BZW2: variants seen among roughly 807,000 people sequenced by gnomAD.
BZW2 encodes the protein eIF5-mimic protein 1.
A neutral mutation model predicts 53.2 loss-of-function variants in BZW2; 23 were observed. The observed-to-expected ratio is 0.43, with a 90% CI of 0.31 to 0.61. The LOEUF is 0.61. Ranked by LOEUF, BZW2 falls within the 20% of genes least tolerant of loss-of-function variation. The pLI is 0.09. For missense variants in BZW2, 409 were observed against 503.1 expected, an observed-to-expected ratio of 0.81 and a Z score of 1.79; for synonymous variants, 227 against 186.4, an observed-to-expected ratio of 1.22 and a Z score of -1.77.
At chr7:16,653,086 G>C (rs1782027937) in intron 1 of BZW2, among the ~76,000 whole-genome samples, 1 of 152,010 alleles carries the variant, frequency 6.6e-6, no homozygotes, top group Non-Finnish European at 1.5e-5. Flanking sequence ...TCACCTGCTA[G>C]ACAGGCTTGG....
intron 1 of BZW2, among the ~76,000 whole-genome samples, chr7:16,655,921 T>G (rs1045778768): frequency 1.1e-4 from 16 of 152,156 alleles, no homozygotes; most frequent in Non-Finnish European, 1.6e-4. Context: ...TGCATACACT[T>G]TCTGCCTTTA....
At chr7:16,679,363 C>T (rs962457707) in intron 3 of BZW2, among the ~76,000 whole-genome samples, 1 of 152,220 alleles carries the variant, frequency 6.6e-6, no homozygotes, top group Non-Finnish European at 1.5e-5. Context: ...GCCGGTCCCT[C>T]CGTTCAGGTT....
chr7:16,691,344 G>C (rs1783298489), intron 7 of BZW2, among the ~76,000 whole-genome samples: 2 of 152,192 alleles, frequency 1.3e-5, no homozygotes, highest in African/African-American at 4.8e-5. Context: ...AGTCACAGAA[G>C]ATAAGTGAAT....
At chr7:16,668,312 C>T (rs190804060) in intron 2 of BZW2, among the ~76,000 whole-genome samples, 1 of 152,330 alleles carries the variant, frequency 6.6e-6, no homozygotes, top group East Asian at 1.9e-4. Flanking sequence ...GTTTTCTCTC[C>T]TTCAGAACCG....
At chr7:16,654,248 T>TAATAATAATGGTCTCTATATA (rs1378727262) in intron 1 of BZW2, among the ~76,000 whole-genome samples, 1 of 151,652 alleles carries the variant, frequency 6.6e-6, no homozygotes, top group Non-Finnish European at 1.5e-5. Context: ...ATAATAATAA[T>TAATAATAATGGTCTCTATATA]ATAGAGACCA....
In BZW2 at chr7:16,667,215, G is replaced by A. The variant is rs546716812; in HGVS notation, c.58+1714G>A. 2.6e-5 allele frequency among the ~76,000 whole-genome samples: 4 copies of A among 151,790 alleles called. No individual in the cohort carries two copies. The East Asian group carries it at 7.8e-4, about 29-fold the overall frequency. On this transcript the variant is annotated intron_variant, in intron 2 of 11. Transcript: ENST00000258761. ...GGAGAATCGCTTGAACCCAGGATTGGGAGGTCAGTGAGCCGACATTGCACC... is the reference window on the plus strand; with the variant it reads ...GGAGAATCGCTTGAACCCAGGATTGAGAGGTCAGTGAGCCGACATTGCACC...
In BZW2 at chr7:16,665,864, A is replaced by G. The variant is rs375766538; in HGVS notation, c.58+363A>G. Among the ~76,000 whole-genome samples, 31 of 152,340 alleles carry G rather than the reference A, an allele frequency of 2.0e-4. No individual in the cohort carries two copies. In the South Asian group the frequency reaches 5.2e-3, roughly 25 times the overall value. ...CGTTGATGGCAAAGATGATAAAATGAAAAGTAAATTAGGAAGTGAGATATT... is the reference window on the plus strand; with the variant it reads ...CGTTGATGGCAAAGATGATAAAATGGAAAGTAAATTAGGAAGTGAGATATT... On this transcript the variant is annotated intron_variant, in intron 2 of 11. Transcript: ENST00000258761.
intron 1 of BZW2, among the ~76,000 whole-genome samples, chr7:16,650,431 C>T (rs1781956668): frequency 6.6e-6 from 1 of 152,110 alleles, no homozygotes; most frequent in Admixed American, 6.5e-5. Flanking sequence ...CTGTTTCGAG[C>T]AATGTCAGCA....
rs760736472 is a variant in BZW2 at position 16,694,971 on chromosome 7, G to T, written c.789G>T (p.Gln263His). 1.1e-5 allele frequency: 18 copies of T among 1,591,020 alleles called. No individual in the cohort carries two copies. In the African/African-American group the frequency reaches 2.4e-4, roughly 21 times the overall value. Residue 263 changes from glutamine to histidine, a missense_variant, in exon 8 of 12, where the codon CAG (glutamine) becomes CAT (histidine). Gln to His is a conservative substitution (Grantham distance 24). Coordinates refer to ENST00000258761, the MANE Select transcript of BZW2 (RefSeq NM_014038.3). ...GTRKELQKEL[Q>H]ERLSQECPIK... is the part of the protein sequence containing the mutation. ...GGAAGGAACTGCAGAAGGAGCTCCA[G>T]GAGCGTCTTTCTCAGGAATGCCCGA...
At chr7:16,693,349 T>A (rs1231647553) in intron 7 of BZW2, among the ~76,000 whole-genome samples, 1 of 152,240 alleles carries the variant, frequency 6.6e-6, no homozygotes, top group Non-Finnish European at 1.5e-5. Context: ...TATTATATAC[T>A]ATTCATAAGA....
At chr7:16,698,381 T>C (rs12539223) in intron 10 of BZW2, 195 bp downstream of exon 10, 181,344 of 613,660 alleles carry the variant, frequency 0.3, 28,442 homozygotes, top group East Asian at 0.33. Context: ...TGCGTTGCCT[T>C]GGAAACCCTG....
chr7:16,646,536 C>T (rs1172639597), intron 1 of BZW2, among the ~76,000 whole-genome samples: 1 of 148,334 alleles, frequency 6.7e-6, no homozygotes, highest in Non-Finnish European at 1.5e-5. Flanking sequence ...ACCCTGGGAC[C>T]GCGGGCGGGC....
chr7:16,691,217 G>T (rs74863468), intron 7 of BZW2, among the ~76,000 whole-genome samples: 4,215 of 152,226 alleles, frequency 0.028, 190 homozygotes, highest in African/African-American at 0.095. Flanking sequence ...TCTACCCTGT[G>T]CTGGGCATGG....
chr7:16,705,050 A>C (rs1783791942), intron 11 of BZW2, among the ~76,000 whole-genome samples: 1 of 152,214 alleles, frequency 6.6e-6, no homozygotes, highest in Non-Finnish European at 1.5e-5. Context: ...AAGTGGAAGG[A>C]TAATAATGAG....
intron 2 of BZW2, among the ~76,000 whole-genome samples, chr7:16,666,389 T>TTTTATTTA (rs79317366): frequency 0.12 from 17,687 of 145,912 alleles, 2,035 homozygotes; most frequent in African/African-American, 0.31. Context: ...TATAAAAGAC[T>TTTTATTTA]TTTATTTATT....
Position 16,685,985 on chromosome 7 carries a change from C to G in BZW2, c.486C>G (p.Gly162=). Reference sequence around the variant, plus strand: ...TGTCGGGGATTCTGCTGGGCAATGGCACCCTGCCCGCCACCATCCTCACCA... The same window carrying G: ...TGTCGGGGATTCTGCTGGGCAATGGGACCCTGCCCGCCACCATCCTCACCA... ...AMLSGILLGN[G]TLPATILTSL... The change falls in exon 6 of 12, where the codon GGC becomes GGG. Residue 162 remains glycine (G), a synonymous_variant. Coordinates refer to ENST00000258761, the MANE Select transcript of BZW2 (RefSeq NM_014038.3). 1 of 1,600,334 alleles carries G rather than the reference C, an allele frequency of 6.2e-7. No homozygotes were observed. The highest frequency in any genetic ancestry group is 8.5e-7 in the Non-Finnish European group (1 of 1,174,574).
intron 3 of BZW2, among the ~76,000 whole-genome samples, chr7:16,677,446 G>A (rs765384367): frequency 2.0e-5 from 3 of 152,120 alleles, no homozygotes; most frequent in East Asian, 1.9e-4. Context: ...GTTGGCCAAC[G>A]ACCGCTCTAA....
intron 1 of BZW2, among the ~76,000 whole-genome samples, chr7:16,661,829 T>A (rs1429627577): frequency 6.6e-6 from 1 of 152,140 alleles, no homozygotes; most frequent in Non-Finnish European, 1.5e-5. Context: ...TGGCTTATAG[T>A]TTTTAAAACA....
At chr7:16,674,707 A>T (rs936199630) in intron 3 of BZW2, 119 bp downstream of exon 3, 7 of 898,762 alleles carry the variant, frequency 7.8e-6, no homozygotes, top group Non-Finnish European at 9.2e-6. Context: ...TAAAAATACA[A>T]ATGGAAGCCT....
Sources: allele counts gnomAD v4.1 joint callset (sites outside exome capture counted in the v4.1 genomes callset), GRCh38; gene constraint gnomAD v4.1.1; transcripts MANE v1.5; gene names NCBI Gene and HGNC (gene_info 2026-07-23, HGNC 2026-07-21).